Variants in NFRKB observed in about 807,000 individuals in gnomAD.
The protein encoded by NFRKB is nuclear factor related to kappaB binding protein, also known as nuclear factor related to kappa-B-binding protein.
Under a neutral mutation model 135.7 loss-of-function variants are expected in NFRKB, and 62 were observed. The observed-to-expected ratio is 0.46, with a 90% CI of 0.37 to 0.56. The LOEUF is 0.56. Among genes scored for constraint, NFRKB ranks in the 20% least tolerant of loss-of-function variants. NFRKB has a pLI of 0.00. For synonymous variants in NFRKB, 678 were observed against 635.6 expected (o/e 1.07, Z -1.00); for missense variants, 1,545 against 1,662.0 (o/e 0.93, Z 1.22).
In NFRKB at chr11:129,884,773, T is replaced by C. The variant is rs2303662; in HGVS notation, c.714A>G (p.Thr238=). The C allele has an allele frequency of 0.16, 263,019 of 1,613,746 alleles. 22,834 individuals carry two copies. The highest frequency in any genetic ancestry group is 0.27 in the South Asian group (24,798 of 91,054). ...SPAVPLRVVP[T]LSTTDMKTAD... is the part of the protein sequence containing the mutation. ...CAGTTTTCATATCCGTGGTTGAAAGTGTGGGCACCACCCGCAGGGGCACCG... is the reference window on the plus strand; with the variant it reads ...CAGTTTTCATATCCGTGGTTGAAAGCGTGGGCACCACCCGCAGGGGCACCG... Residue 238 remains threonine (T), a synonymous_variant, in exon 7 of 27, where the codon ACA becomes ACG. Transcript: ENST00000682444.
chr11:129,865,858 A>G lies in NFRKB; in HGVS notation c.3638+19T>C. 2 of 1,612,638 alleles carry G rather than the reference A, an allele frequency of 1.2e-6. No homozygotes were observed. The highest frequency in any genetic ancestry group is 8.5e-7 in the Non-Finnish European group (1 of 1,178,772). On this transcript the variant is annotated intron_variant, in intron 25 of 26. Coordinates refer to ENST00000682444, the MANE Select transcript of NFRKB (RefSeq NM_001143835.2). ...CCTCCACCCCCGAATTGGTTCCTTT[A>G]CCATGACATAGTACTTACTTGGCTC...
intron 9 of NFRKB, 67 bp downstream of exon 9, chr11:129,883,055 T>C (rs1949105034): frequency 8.4e-6 from 12 of 1,434,990 alleles, no homozygotes; most frequent in South Asian, 4.8e-5. Context: ...ATTTTTGCCA[T>C]GTTATGGGCT....
chr11:129,880,085 T>G (rs1028116694), intron 13 of NFRKB, among the ~76,000 whole-genome samples: 2 of 151,568 alleles, frequency 1.3e-5, no homozygotes, highest in African/African-American at 4.9e-5. Context: ...TACTCAGGAG[T>G]AGGAGGAGGC....
At chr11:129,888,424 G>A (rs1555093013) in intron 4 of NFRKB, 170 bp downstream of exon 4, 1 of 732,722 alleles carries the variant, frequency 1.4e-6, no homozygotes, top group South Asian at 1.5e-5. Context: ...ATACATTTTT[G>A]TTTTTTAGAA....
At chr11:129,878,712 C>G (rs1948891198) in intron 13 of NFRKB, among the ~76,000 whole-genome samples, 169 bp from the exon 14 acceptor site, 1 of 152,206 alleles carries the variant, frequency 6.6e-6, no homozygotes, top group African/African-American at 2.4e-5. Context: ...CAGCCTGGAC[C>G]ACCACTCTTG....
intron 1 of NFRKB, among the ~76,000 whole-genome samples, chr11:129,895,224 C>T (rs1591546148): frequency 1.3e-5 from 2 of 152,294 alleles, no homozygotes; most frequent in East Asian, 3.9e-4. Flanking sequence ...GGCTCCAAAG[C>T]CCTCAACTCT....
At chr11:129,872,282 T>A (rs1482966642) in intron 23 of NFRKB, among the ~76,000 whole-genome samples, 1 of 152,068 alleles carries the variant, frequency 6.6e-6, no homozygotes, top group Non-Finnish European at 1.5e-5. Flanking sequence ...AAATCTCCAA[T>A]ACTTAGGACA....
intron 24 of NFRKB, among the ~76,000 whole-genome samples, chr11:129,867,266 A>G (rs1159857943): frequency 1.3e-5 from 2 of 150,732 alleles, no homozygotes; most frequent in African/African-American, 2.4e-5. Flanking sequence ...GGATCAAGTG[A>G]GTGCAGTTTC....
chr11:129,886,229 A>G (rs551773346), intron 5 of NFRKB, 88 bp downstream of exon 5: 2 of 1,482,904 alleles, frequency 1.3e-6, no homozygotes, highest in African/African-American at 1.4e-5. Context: ...CTTCGTGGCA[A>G]TTTTTGTGTT....
rs774251469 is a variant in NFRKB, at chr11:129,881,844, G to A, written c.1201C>T (p.Arg401Ter). The A allele has an allele frequency of 6.2e-7, 1 of 1,604,290 alleles. No individual in the cohort carries two copies. Among genetic ancestry groups the A allele is most frequent in the Non-Finnish European group, 8.5e-7 (1 of 1,176,064 alleles). Residue 401 changes from arginine (R) to a stop codon, truncating the protein, a stop_gained, in exon 12 of 27, where the codon CGA becomes TGA. Coordinates refer to ENST00000682444, the MANE Select transcript of NFRKB (RefSeq NM_001143835.2). LOFTEE classifies it high-confidence loss of function. Reference protein sequence around the residue: ...SQASLPMLEERVLDWQSSPAS... With the variant: ...SQASLPMLEE ...GGCGATGACTGCCAATCCAAAACTCGCTCCTCTAGCTGAGGGAAAGCAAAG... is the reference window on the plus strand; with the variant it reads ...GGCGATGACTGCCAATCCAAAACTCACTCCTCTAGCTGAGGGAAAGCAAAG...
rs375229392 is a variant in NFRKB at position 129,885,544 on chromosome 11, T to C, written c.531A>G (p.Pro177=). ...ALPFRQKRPS[P]SRTPEEREWR... ...ACTCCCGCTCCTCAGGTGTGCGGGA[T>C]GGTGAAGGGCGTTTCTGCCGGAAGG... is the stretch of plus-strand genomic sequence containing the variant. The change falls in exon 6 of 27, where the codon CCA becomes CCG. Residue 177 remains proline, a synonymous_variant. Coordinates refer to ENST00000682444, the MANE Select transcript of NFRKB (RefSeq NM_001143835.2). The C allele has an allele frequency of 1.5e-5, 24 of 1,613,848 alleles. No homozygotes were observed. The highest frequency in any genetic ancestry group is 1.9e-5 in the Non-Finnish European group (23 of 1,179,872).
rs921851970 is a variant in NFRKB at position 129,894,347 on chromosome 11, C to T, written c.-22+12G>A. ...TCCACATTCCACAAACACCACATTC[C>T]ACAAATCTTACCACGCCAGGTGTCA... On this transcript the variant is annotated intron_variant, in intron 2 of 26. Coordinates refer to ENST00000682444, the MANE Select transcript of NFRKB (RefSeq NM_001143835.2). The T allele has an allele frequency of 6.6e-6, 1 of 152,184 alleles. No homozygotes were observed. The highest frequency in any genetic ancestry group is 1.5e-5 in the Non-Finnish European group (1 of 68,030). The allele number at this position is 152,184 out of a possible 1,614,324, so 9.4% of individuals were successfully genotyped here.
At chr11:129,886,764 G>A (rs1342952498) in intron 4 of NFRKB, among the ~76,000 whole-genome samples, 1 of 152,154 alleles carries the variant, frequency 6.6e-6, no homozygotes, top group Non-Finnish European at 1.5e-5. Context: ...ATCCTTACCA[G>A]ACGACCATAC....
At position 129,874,474 on chromosome 11, in the gene NFRKB, G is replaced by A; in HGVS notation, c.2058+27C>T. The A allele has an allele frequency of 6.2e-7, 1 of 1,607,554 alleles. No homozygotes were observed. Among genetic ancestry groups the A allele is most frequent in the Non-Finnish European group, 8.5e-7 (1 of 1,177,444 alleles). ...GTTGCCTCCATCCCAGAATCCCTAG[G>A]GCAGACACTCTCCTGAAGTCACTTA... On this transcript the variant is annotated intron_variant, in intron 20 of 26. Coordinates refer to ENST00000682444, the MANE Select transcript of NFRKB (RefSeq NM_001143835.2). This position sits in a 1 kb window ranked among gnomAD's most constrained non-coding sequence, Gnocchi z 4.5.
At position 129,869,591 on chromosome 11, in the gene NFRKB, G is replaced by A. The variant is rs1264720385; in HGVS notation, c.3434C>T (p.Ala1145Val). ...GATGGGGGTGCTTGCAGCCCCAGAAGCCACAGCTACAGTCTTGGACACAGC... is the reference window on the plus strand; with the variant it reads ...GATGGGGGTGCTTGCAGCCCCAGAAACCACAGCTACAGTCTTGGACACAGC... Reference protein sequence around the residue: ...NAAVSKTVAVASGAASTPISI... With the variant: ...NAAVSKTVAVVSGAASTPISI... Residue 1145 changes from alanine (A) to valine (V), a missense_variant, in exon 24 of 27, where the codon GCT becomes GTT. By Grantham distance (64) the Ala-to-Val change is moderately conservative. Transcript: ENST00000682444. The A allele has an allele frequency of 2.0e-5, 32 of 1,614,074 alleles. No individual in the cohort carries two copies. Among genetic ancestry groups the A allele is most frequent in the Non-Finnish European group, 2.7e-5 (32 of 1,180,048 alleles).
intron 24 of NFRKB, among the ~76,000 whole-genome samples, chr11:129,866,880 A>G (rs1565385848): frequency 6.6e-6 from 1 of 152,214 alleles, no homozygotes; most frequent in Admixed American, 6.5e-5. Flanking sequence ...ATGGGCACTC[A>G]GCTGCACAAC....
chr11:129,874,636 A>T lies in NFRKB; in HGVS notation c.1979-56T>A. ...AGTTTAACCTTAGCAAACTAAAAAG[A>T]GGGGCTTTGTTAAAAACCAACACCT... On this transcript the variant is annotated intron_variant, in intron 19 of 26. Transcript: ENST00000682444. This position sits in a 1 kb window ranked among gnomAD's most constrained non-coding sequence, Gnocchi z 4.5. 1 of 1,607,492 alleles carries T rather than the reference A, an allele frequency of 6.2e-7. No homozygotes were observed. Among genetic ancestry groups the T allele is most frequent in the Non-Finnish European group, 8.5e-7 (1 of 1,176,710 alleles).
At position 129,869,969 on chromosome 11, in the gene NFRKB, G is replaced by T. The variant is rs1565392122; in HGVS notation, c.3056C>A (p.Ala1019Glu). 1.9e-6 allele frequency: 3 copies of T among 1,614,274 alleles called. No homozygotes were observed. The South Asian group carries it at 3.3e-5, about 18-fold the overall frequency. The change falls in exon 24 of 27, where the codon GCA (alanine) becomes GAA (glutamate). Residue 1019 changes from alanine (A) to glutamate (E), a missense_variant. By Grantham distance (107) the Ala-to-Glu change is moderately radical. Around this residue, in one of 3 missense-constraint regions of NFRKB, gnomAD observed 753 missense variants for 804.3 expected, o/e 0.94. Transcript: ENST00000682444. Reference protein sequence around the residue: ...TLHVTSNPVHAADSPAKASSA... With the variant: ...TLHVTSNPVHEADSPAKASSA... ...ACTGGCCTTGGCAGGGCTATCAGCT[G>T]CATGTACTGGATTGGAAGTGACGTG...
At chr11:129,875,623 G>A (rs1948727056) in intron 17 of NFRKB, among the ~76,000 whole-genome samples, 160 bp from the exon 18 acceptor site, 1 of 150,108 alleles carries the variant, frequency 6.7e-6, no homozygotes, top group African/African-American at 2.5e-5. Context: ...GCAGCTGGCA[G>A]CTCAGCCACT....
Sources: allele counts gnomAD v4.1 joint callset (sites outside exome capture counted in the v4.1 genomes callset), GRCh38; gene constraint gnomAD v4.1.1; regional missense constraint gnomAD v4.1.1; non-coding constraint Gnocchi (gnomAD v3.1); transcripts MANE v1.5; gene names NCBI Gene and HGNC (gene_info 2026-07-23, HGNC 2026-07-21).